SLC35F5: variants seen among roughly 807,000 people sequenced by gnomAD.
SLC35F5 encodes HCV NS5A-transactivated protein 3.
Under a neutral mutation model 68.6 loss-of-function variants are expected in SLC35F5, and 54 were observed. The observed-to-expected ratio is 0.79, with a 90% CI of 0.63 to 0.99. SLC35F5 has a LOEUF of 0.99. Ranked by LOEUF, SLC35F5 falls within the 50% of genes least tolerant of loss-of-function variation. SLC35F5 has a pLI of 0.00. For missense variants in SLC35F5, 567 were observed against 626.9 expected (o/e 0.90, Z 1.02); for synonymous variants, 211 against 205.2 (o/e 1.03, Z -0.24).
intron 3 of SLC35F5, among the ~76,000 whole-genome samples, chr2:113,753,016 A>G (rs986483412): frequency 6.6e-6 from 1 of 152,078 alleles, no homozygotes; most frequent in Admixed American, 6.5e-5. Context: ...AGAGGTTGAT[A>G]AGGTTGGCAA....
chr2:113,755,720 A>G, intron 1 of SLC35F5, 176 bp from the exon 2 acceptor site: 2 of 1,037,896 alleles, frequency 1.9e-6, no homozygotes, highest in Non-Finnish European at 2.9e-6. Context: ...TGCACGCTTC[A>G]GATTATACTT....
intron 3 of SLC35F5, among the ~76,000 whole-genome samples, chr2:113,754,321 CTT>C (rs1389225789): frequency 6.9e-6 from 1 of 145,854 alleles, no homozygotes; most frequent in Non-Finnish European, 1.5e-5. Context: ...AAAAAAAAAA[CTT>C]ATATACTCAT....
chr2:113,734,739 A>G, intron 8 of SLC35F5, 66 bp from the exon 9 acceptor site: 1 of 951,942 alleles, frequency 1.1e-6, no homozygotes, highest in Admixed American at 2.5e-5. Context: ...TTTACTACCA[A>G]CTTCATTGTT....
intron 7 of SLC35F5, among the ~76,000 whole-genome samples, chr2:113,741,113 A>AT: frequency 6.6e-6 from 1 of 152,224 alleles, no homozygotes; most frequent in African/African-American, 2.4e-5. Context: ...AAGAAAGGAA[A>AT]TTCTGACACA....
At chr2:113,752,071 G>A (rs1020680420) in intron 3 of SLC35F5, among the ~76,000 whole-genome samples, 2 of 152,052 alleles carry the variant, frequency 1.3e-5, no homozygotes, top group African/African-American at 4.8e-5. Flanking sequence ...AATTAGCTGG[G>A]CGTGGTGGCA....
intron 12 of SLC35F5, among the ~76,000 whole-genome samples, chr2:113,723,457 A>T (rs1687534806): frequency 6.6e-6 from 1 of 152,174 alleles, no homozygotes; most frequent in Admixed American, 6.5e-5. Context: ...ATCTTATTCA[A>T]CTTTGGGTGT....
intron 9 of SLC35F5, among the ~76,000 whole-genome samples, chr2:113,734,330 A>G (rs1420893918): frequency 2.6e-5 from 4 of 152,230 alleles, no homozygotes; most frequent in South Asian, 4.1e-4. Flanking sequence ...CGTCAGTCCA[A>G]TACTTGATGA....
Position 113,717,757 on chromosome 2 carries a change from G to T in SLC35F5, c.*18C>A. 1.2e-6 allele frequency: 2 copies of T among 1,602,972 alleles called. No homozygotes were observed. Among genetic ancestry groups the T allele is most frequent in the South Asian group, 1.1e-5 (1 of 89,798 alleles). On this transcript the variant is annotated 3_prime_UTR_variant, in exon 15 of 16. Transcript: ENST00000245680. ...AAACCCAGCTCACATACAAACCTGG[G>T]CTACAGACAACAGACAGCTAACTAG...
Position 113,750,416 on chromosome 2 carries a change from A to T in SLC35F5, c.417+9T>A. 6.3e-7 allele frequency: 1 copy of T among 1,588,544 alleles called. No individual in the cohort carries two copies. Among genetic ancestry groups the T allele is most frequent in the Non-Finnish European group, 8.6e-7 (1 of 1,168,888 alleles). On this transcript the variant is annotated intron_variant, in intron 4 of 15. Transcript: ENST00000245680. ...CCTTCCTAACAGACAGTTAAAATTAAAAACTTACAAAAGCAGCATGCTTTC... is the reference window on the plus strand; with the variant it reads ...CCTTCCTAACAGACAGTTAAAATTATAAACTTACAAAAGCAGCATGCTTTC...
At chr2:113,756,272 G>A (rs1165966897) in intron 1 of SLC35F5, 98 bp downstream of exon 1, 1 of 1,542,890 alleles carries the variant, frequency 6.5e-7, no homozygotes, top group Non-Finnish European at 8.7e-7. Flanking sequence ...CGGTCAAGGC[G>A]CTCCTGCTGC....
At chr2:113,729,558 C>A in intron 10 of SLC35F5, 53 bp from the exon 11 acceptor site, 2 of 914,214 alleles carry the variant, frequency 2.2e-6, no homozygotes, top group Admixed American at 2.3e-5. Flanking sequence ...ATTCAATATA[C>A]GCTTAAAATC....
In SLC35F5 at chr2:113,734,683, G is replaced by C. The variant is rs1405069223; in HGVS notation, c.833-10C>G. 1.4e-5 allele frequency: 22 copies of C among 1,538,948 alleles called. No individual in the cohort carries two copies. Among genetic ancestry groups the C allele is most frequent in the Non-Finnish European group, 2.0e-5 (22 of 1,123,728 alleles). ...ATTAAGGTAAAAAGTCCTATGAGGAGAAAAGAATTTAAAAATGGTACATGA... is the reference window on the plus strand; with the variant it reads ...ATTAAGGTAAAAAGTCCTATGAGGACAAAAGAATTTAAAAATGGTACATGA... On this transcript the variant is annotated splice_polypyrimidine_tract_variant and intron_variant, in intron 8 of 15. Transcript: ENST00000245680.
intron 1 of SLC35F5, chr2:113,755,927 T>C: frequency 3.9e-6 from 6 of 1,550,560 alleles, no homozygotes; most frequent in Non-Finnish European, 5.2e-6. Flanking sequence ...TTTCTGTCCC[T>C]GATCTGCTGG....
chr2:113,746,916 C>T (rs1354167317), intron 4 of SLC35F5, among the ~76,000 whole-genome samples: 3 of 139,240 alleles, frequency 2.2e-5, no homozygotes, highest in African/African-American at 8.1e-5. Context: ...AGCAAGATTA[C>T]GTCTCAAAAA....
rs1380477448 is a variant in SLC35F5, at chr2:113,734,677, T to C, written c.833-4A>G. 11 of 1,566,468 alleles carry C rather than the reference T, an allele frequency of 7.0e-6. No homozygotes were observed. The highest frequency in any genetic ancestry group is 9.6e-6 in the Non-Finnish European group (11 of 1,145,044). On this transcript the variant is annotated splice_region_variant and splice_polypyrimidine_tract_variant and intron_variant, in intron 8 of 15. Coordinates refer to ENST00000245680, the MANE Select transcript of SLC35F5 (RefSeq NM_025181.5). ...GCAAGGATTAAGGTAAAAAGTCCTA[T>C]GAGGAGAAAAGAATTTAAAAATGGT...
rs1281117456 is a variant in SLC35F5 at position 113,711,622 on chromosome 2, T to A, written c.*3596A>T. ...AGACTATTAAAATAGAACTCAAACT[T>A]CAAATTCTGTAAACTGAACATCTCA... On this transcript the variant is annotated 3_prime_UTR_variant, in exon 16 of 16. Transcript: ENST00000245680. 6.6e-6 allele frequency among the ~76,000 whole-genome samples: 1 copy of A among 152,126 alleles called. No individual in the cohort carries two copies. Among genetic ancestry groups the A allele is most frequent in the Non-Finnish European group, 1.5e-5 (1 of 68,008 alleles).
rs1466619380 is a variant in SLC35F5 at position 113,712,056 on chromosome 2, T to C, written c.*3162A>G. ...TGCATGATTGATTTTACAGCGGGCA[T>C]TAAAATTCTTCTGAAACAAGGCTGT... On this transcript the variant is annotated 3_prime_UTR_variant, in exon 16 of 16. Transcript: ENST00000245680. Among the ~76,000 whole-genome samples the C allele has an allele frequency of 1.3e-5, 2 of 152,212 alleles. No homozygotes were observed. The highest frequency in any genetic ancestry group is 4.8e-5 in the African/African-American group (2 of 41,446).
At chr2:113,729,304 A>G (rs1574232714) in intron 11 of SLC35F5, 97 bp downstream of exon 11, 1 of 329,874 alleles carries the variant, frequency 3.0e-6, no homozygotes, top group East Asian at 3.8e-5. Context: ...CATACGGAAG[A>G]AAAAAAAAGG....
chr2:113,746,553 T>G (rs1433141989), intron 4 of SLC35F5, among the ~76,000 whole-genome samples: 1 of 152,150 alleles, frequency 6.6e-6, no homozygotes, highest in African/African-American at 2.4e-5. Flanking sequence ...GGCTGAGAGA[T>G]TTTTAATCCT....
Sources: gnomAD v4.1 joint callset for allele counts (sites outside exome capture counted in the v4.1 genomes callset) on GRCh38, gnomAD v4.1.1 for gene constraint, MANE v1.5 for transcripts, NCBI Gene and HGNC (gene_info 2026-07-23, HGNC 2026-07-21) for gene names.